DYNLT2: variants seen among roughly 807,000 people sequenced by gnomAD.
DYNLT2 encodes dynein light chain Tctex-type protein 2.
DYNLT2 carries 24 observed loss-of-function variants against 24.3 expected under a neutral mutation model. The ratio of observed to expected loss-of-function variants is 0.99; its 90% CI spans 0.71 to 1.39. The LOEUF (loss-of-function observed/expected upper bound fraction) is 1.39. Among genes scored for constraint, DYNLT2 ranks in the 40% most tolerant of loss-of-function variants. DYNLT2 has a pLI of 0.00. For synonymous variants in DYNLT2, 85 were observed against 85.4 expected, an observed-to-expected ratio of 1.00 and a Z score of 0.03; for missense variants, 246 against 234.5, an observed-to-expected ratio of 1.05 and a Z score of -0.32.
the DYNLT2 span, among the ~76,000 whole-genome samples, chr6:169,734,250 C>T: frequency 4.6e-4 from 70 of 152,330 alleles, no homozygotes; most frequent in South Asian, 4.6e-3. Context: ...TTGACTTCCT[C>T]TGCCCCTATT....
intron 3 of DYNLT2, among the ~76,000 whole-genome samples, chr6:169,740,989 A>G (rs1234667997): frequency 2.0e-5 from 3 of 151,966 alleles, no homozygotes; most frequent in African/African-American, 7.3e-5. Context: ...TTGTATTTTT[A>G]GTAGAGATGG....
intron 1 of DYNLT2, among the ~76,000 whole-genome samples, chr6:169,745,276 G>A (rs564202947): frequency 6.6e-6 from 1 of 152,040 alleles, no homozygotes; most frequent in African/African-American, 2.4e-5. Context: ...TGTTGTTGTT[G>A]TATTTTTAGT....
the DYNLT2 span, among the ~76,000 whole-genome samples, chr6:169,730,221 CTA>C: frequency 6.6e-6 from 1 of 152,106 alleles, no homozygotes; most frequent in African/African-American, 2.4e-5. Flanking sequence ...GATGGCTCAT[CTA>C]TGTGGATGTT....
chr6:169,744,787 G>GAT (rs1275718604), intron 1 of DYNLT2, among the ~76,000 whole-genome samples: 1 of 152,088 alleles, frequency 6.6e-6, no homozygotes, highest in Non-Finnish European at 1.5e-5. Flanking sequence ...GCATTGATTT[G>GAT]ATATATATAT....
In DYNLT2 at chr6:169,740,264, C is replaced by G. The variant is rs754673103; in HGVS notation, c.518G>C (p.Trp173Ser). 1.2e-6 allele frequency: 2 copies of G among 1,613,868 alleles called. No individual in the cohort carries two copies. Among genetic ancestry groups the G allele is most frequent in the African/African-American group, 2.7e-5 (2 of 74,888 alleles). The change falls in exon 4 of 4, where the codon TGG becomes TCG. Residue 173 changes from tryptophan (W) to serine (S), a missense_variant. Physicochemically the swap from Trp to Ser is radical, Grantham distance 177. Coordinates refer to ENST00000366774, the MANE Select transcript of DYNLT2 (RefSeq NM_174910.3). ...GTGTTTAGCTGCGACCCAGCTGTCC[C>G]ATGCAATGTCCCAGATCCATCTGCT... ...IASRWIWDIA[W>S]DSWVAAKHEA...
chr6:169,751,267 C>T, intron 1 of DYNLT2, 72 bp downstream of exon 1: 1 of 1,544,404 alleles, frequency 6.5e-7, no homozygotes, highest in Non-Finnish European at 8.7e-7. Flanking sequence ...GGGAGCGGGG[C>T]CCACTGGGGA....
intron 1 of DYNLT2, among the ~76,000 whole-genome samples, chr6:169,747,507 A>G (rs1183909379): frequency 6.6e-6 from 1 of 152,044 alleles, no homozygotes; most frequent in Non-Finnish European, 1.5e-5. Flanking sequence ...CATCCCCCCC[A>G]ATTTCCACAT....
intron 1 of DYNLT2, among the ~76,000 whole-genome samples, chr6:169,746,092 G>A (rs1249410010): frequency 6.6e-6 from 1 of 152,118 alleles, no homozygotes; most frequent in African/African-American, 2.4e-5. Flanking sequence ...TATATTTATA[G>A]TGTTCATGTA....
the DYNLT2 span, among the ~76,000 whole-genome samples, chr6:169,734,747 CT>C: frequency 1.3e-5 from 2 of 151,388 alleles, no homozygotes; most frequent in Non-Finnish European, 3.0e-5. Flanking sequence ...CTGAAGTTTT[CT>C]TTTTTTTTGT....
At chr6:169,726,989 G>A in the DYNLT2 span, among the ~76,000 whole-genome samples, 1 of 152,046 alleles carries the variant, frequency 6.6e-6, no homozygotes, top group Non-Finnish European at 1.5e-5. Flanking sequence ...AAGTAAGATA[G>A]AGAAGGAAAA....
the DYNLT2 span, among the ~76,000 whole-genome samples, chr6:169,726,932 G>A: frequency 1.3e-5 from 2 of 152,068 alleles, no homozygotes; most frequent in Non-Finnish European, 2.9e-5. Context: ...AGATATACGT[G>A]AAAATAAGGC....
At chr6:169,747,160 A>T (rs925376257) in intron 1 of DYNLT2, among the ~76,000 whole-genome samples, 1 of 151,746 alleles carries the variant, frequency 6.6e-6, no homozygotes, top group Non-Finnish European at 1.5e-5. Flanking sequence ...TCTGTCTTGC[A>T]TTGTTTCTGA....
At position 169,743,214 on chromosome 6, in the gene DYNLT2, C is replaced by G. The variant is rs1353806003; in HGVS notation, c.352G>C (p.Asp118His). 1.3e-6 allele frequency: 2 copies of G among 1,548,990 alleles called. No individual in the cohort carries two copies. Among genetic ancestry groups the G allele is most frequent in the Non-Finnish European group, 1.8e-6 (2 of 1,140,148 alleles). Reference protein sequence around the residue: ...LTESLKDVKYDDKVFSHLSLE... With the variant: ...LTESLKDVKYHDKVFSHLSLE... ...GACAAGTGAGAGAATACTTTATCAT[C>G]ATATTTGACATCTTTAAGACTTTCC... The change falls in exon 3 of 4, where the codon GAT becomes CAT. Residue 118 changes from aspartate to histidine, a missense_variant. Physicochemically the swap from Asp to His is moderately conservative, Grantham distance 81. Transcript: ENST00000366774.
At chr6:169,739,206 T>TC (rs943968921), downstream of DYNLT2, among the ~76,000 whole-genome samples, 3 of 144,390 alleles carry the variant, frequency 2.1e-5, no homozygotes, top group Non-Finnish European at 3.0e-5. Flanking sequence ...CACAATTTTC[T>TC]CCTTTTTTTT....
At chr6:169,735,787 C>T (rs751596404), downstream of DYNLT2, among the ~76,000 whole-genome samples, 2 of 152,228 alleles carry the variant, frequency 1.3e-5, no homozygotes, top group East Asian at 3.9e-4. Context: ...GGTCTGTAGA[C>T]GTCTACTAGG....
chr6:169,749,095 TAAGA>T lies in DYNLT2; in HGVS notation c.120+2240_120+2243del, dbSNP rs1789881262. 2.0e-5 allele frequency among the ~76,000 whole-genome samples: 3 copies of T among 152,126 alleles called. No individual in the cohort carries two copies. The South Asian group carries it at 6.2e-4, about 32-fold the overall frequency. On this transcript the variant is annotated intron_variant, in intron 1 of 3. Coordinates refer to ENST00000366774, the MANE Select transcript of DYNLT2 (RefSeq NM_174910.3). Reference sequence around the variant, plus strand: ...TTTCTAAATGCCACATGCTAGTGTTTAAGATTTTTTTTTTCTTTTCTGAGACAAG... The same window carrying T: ...TTTCTAAATGCCACATGCTAGTGTTTTTTTTTTTTTCTTTTCTGAGACAAG...
At chr6:169,732,412 T>C in the DYNLT2 span, among the ~76,000 whole-genome samples, 254 of 152,298 alleles carry the variant, frequency 1.7e-3, 2 homozygotes, top group Non-Finnish European at 3.4e-3. Flanking sequence ...CTGCATCTGT[T>C]GACCCATCCT....
the DYNLT2 span, among the ~76,000 whole-genome samples, chr6:169,727,721 A>G: frequency 1.3e-5 from 2 of 151,802 alleles, no homozygotes; most frequent in Non-Finnish European, 2.9e-5. Flanking sequence ...CCGCTACCAC[A>G]CCTGGCTAAT....
At chr6:169,750,489 T>C (rs1260331605) in intron 1 of DYNLT2, 1 of 152,236 alleles carries the variant, frequency 6.6e-6, no homozygotes, top group African/African-American at 2.4e-5. Flanking sequence ...AATTCTCTTT[T>C]TAAGAGTAAT....
Sources: gnomAD v4.1 joint callset for allele counts (sites outside exome capture counted in the v4.1 genomes callset) on GRCh38, gnomAD v4.1.1 for gene constraint, MANE v1.5 for transcripts, NCBI Gene and HGNC (gene_info 2026-07-23, HGNC 2026-07-21) for gene names.